The following NLK variants were observed in gnomAD, a reference collection of about 807,000 sequenced individuals.
NLK encodes serine/threonine-protein kinase NLK.
Under a neutral mutation model 59.0 loss-of-function variants are expected in NLK, and 11 were observed. That is an observed-to-expected ratio of 0.19 (90% CI 0.12 to 0.31). The LOEUF (loss-of-function observed/expected upper bound fraction) is 0.31, where lower values mean the gene tolerates loss of function less well. Among genes scored for constraint, NLK ranks in the 10% least tolerant of loss-of-function variants. The pLI is 1.00. For missense variants in NLK, 410 were observed against 661.1 expected, an observed-to-expected ratio of 0.62 and a Z score of 4.16; for synonymous variants, 235 against 235.9, an observed-to-expected ratio of 1.00 and a Z score of 0.03.
intron 3 of NLK, among the ~76,000 whole-genome samples, chr17:28,158,277 G>C (rs1373251294): frequency 6.6e-6 from 1 of 152,068 alleles, no homozygotes; most frequent in African/African-American, 2.4e-5. Flanking sequence ...ATATCTAAAC[G>C]TATCTGAACA....
At chr17:28,126,865 T>C (rs189512055) in intron 2 of NLK, among the ~76,000 whole-genome samples, 93 of 152,350 alleles carry the variant, frequency 6.1e-4, no homozygotes, top group Middle Eastern at 3.4e-3. Flanking sequence ...TACCCATCTA[T>C]GCATTTGTGC....
At chr17:28,203,803 T>C in the NLK span, among the ~76,000 whole-genome samples, 6 of 152,154 alleles carry the variant, frequency 3.9e-5, no homozygotes, top group South Asian at 1.0e-3. Context: ...TCCCAAAGTG[T>C]TGGGATTACA....
In NLK at chr17:28,134,932, G is replaced by A. The variant is rs34845355; in HGVS notation, c.644+2257G>A. On this transcript the variant is annotated intron_variant, in intron 3 of 10. Coordinates refer to ENST00000407008, the MANE Select transcript of NLK (RefSeq NM_016231.5). ...TAGCAACTGAGGAGAAAGCATTAAT[G>A]ATTCCATTTCATAGACTTCCTGAAG... 6.5e-3 allele frequency among the ~76,000 whole-genome samples: 995 copies of A among 152,318 alleles called. 17 individuals carry two copies. The highest frequency in any genetic ancestry group is 0.022 in the African/African-American group (929 of 41,560).
At chr17:28,121,948 G>A (rs1028710657) in intron 1 of NLK, among the ~76,000 whole-genome samples, 1 of 152,036 alleles carries the variant, frequency 6.6e-6, no homozygotes, top group Non-Finnish European at 1.5e-5. Flanking sequence ...AAAAGGGAGT[G>A]GGGGGACACA....
chr17:28,059,184 G>A (rs978902214), intron 1 of NLK, among the ~76,000 whole-genome samples: 3 of 151,764 alleles, frequency 2.0e-5, no homozygotes, highest in African/African-American at 7.3e-5. Context: ...AAAAGATCCC[G>A]ATTTCTTCAC....
intron 8 of NLK, among the ~76,000 whole-genome samples, chr17:28,189,514 G>T (rs180916480): frequency 2.3e-4 from 35 of 152,322 alleles, no homozygotes; most frequent in African/African-American, 8.2e-4. Context: ...TTGTTGGAAT[G>T]ATCACTGTAT....
intron 1 of NLK, among the ~76,000 whole-genome samples, chr17:28,109,177 G>GA (rs77035951): frequency 0.024 from 2,643 of 112,228 alleles, 56 homozygotes; most frequent in African/African-American, 0.072. Flanking sequence ...TCTCACAAAA[G>GA]AAAAAAAAAA....
chr17:28,124,130 A>G (rs573521772), intron 2 of NLK, among the ~76,000 whole-genome samples: 2 of 152,312 alleles, frequency 1.3e-5, no homozygotes, highest in East Asian at 1.9e-4. Flanking sequence ...TTTAATGATT[A>G]TTCCTCTTGA....
chr17:28,178,660 G>A (rs1908779174), intron 7 of NLK, among the ~76,000 whole-genome samples: 1 of 152,164 alleles, frequency 6.6e-6, no homozygotes, highest in Non-Finnish European at 1.5e-5. Flanking sequence ...TTTGCGAAGT[G>A]AAGATAGTCC....
intron 3 of NLK, among the ~76,000 whole-genome samples, chr17:28,139,542 A>G (rs1200630869): frequency 1.3e-5 from 2 of 152,214 alleles, no homozygotes; most frequent in Admixed American, 1.3e-4. Context: ...AGCCTTGCTT[A>G]TTCATTCAGC....
intron 1 of NLK, among the ~76,000 whole-genome samples, chr17:28,060,065 G>A (rs1909577482): frequency 6.6e-6 from 1 of 152,086 alleles, no homozygotes; most frequent in South Asian, 2.1e-4. Context: ...CCAGAAAAAT[G>A]TAACTGTCAT....
At chr17:28,175,237 A>G (rs1908629742) in intron 7 of NLK, among the ~76,000 whole-genome samples, 1 of 151,654 alleles carries the variant, frequency 6.6e-6, no homozygotes, top group Admixed American at 6.6e-5. Context: ...CGAGGTCAGG[A>G]GATCGAGATC....
chr17:28,060,238 T>C (rs1268375961), intron 1 of NLK, among the ~76,000 whole-genome samples: 1 of 152,134 alleles, frequency 6.6e-6, no homozygotes, highest in Non-Finnish European at 1.5e-5. Context: ...TAACTTTTTA[T>C]AATCTTGGAG....
chr17:28,156,851 C>T (rs1054721648), intron 3 of NLK, among the ~76,000 whole-genome samples: 7 of 152,170 alleles, frequency 4.6e-5, no homozygotes, highest in African/African-American at 1.4e-4. Context: ...GTCAGTCTCA[C>T]ACTCATCCTT....
At chr17:28,052,826 C>T (rs1909305106) in intron 1 of NLK, among the ~76,000 whole-genome samples, 2 of 149,806 alleles carry the variant, frequency 1.3e-5, no homozygotes, top group South Asian at 4.2e-4. Flanking sequence ...GGTCTAACCA[C>T]ATTTTAAGTG....
chr17:28,084,970 T>C (rs968023457), intron 1 of NLK, among the ~76,000 whole-genome samples: 1 of 152,258 alleles, frequency 6.6e-6, no homozygotes, highest in Non-Finnish European at 1.5e-5. Flanking sequence ...AATCTAATTT[T>C]AGCCATTAGA....
chr17:28,154,247 G>A (rs1015571092), intron 3 of NLK, among the ~76,000 whole-genome samples: 7 of 152,166 alleles, frequency 4.6e-5, no homozygotes, highest in African/African-American at 1.7e-4. Context: ...ATACATGTGG[G>A]CCTAAACATC....
Position 28,172,515 on chromosome 17 carries a change from A to G in NLK, c.1048-2A>G. 1 of 1,562,892 alleles carries G rather than the reference A, an allele frequency of 6.4e-7. No individual in the cohort carries two copies. The highest frequency in any genetic ancestry group is 8.7e-7 in the Non-Finnish European group (1 of 1,154,020). On this transcript the variant is annotated splice_acceptor_variant, in intron 6 of 10. Transcript: ENST00000407008. LOFTEE classifies it high-confidence loss of function. ...ATCTATCTGTATTTTATTTCCTTGT[A>G]GTTGGATTTGATCACGGATCTGTTG... is the stretch of plus-strand genomic sequence containing the variant.
intron 1 of NLK, among the ~76,000 whole-genome samples, chr17:28,083,723 A>G (rs1445516682): frequency 6.6e-6 from 1 of 152,208 alleles, no homozygotes; most frequent in Non-Finnish European, 1.5e-5. Flanking sequence ...TTTTGAACAT[A>G]AGTCTTGTGA....
Sources: gnomAD v4.1 joint callset for allele counts (sites outside exome capture counted in the v4.1 genomes callset) on GRCh38, gnomAD v4.1.1 for gene constraint, MANE v1.5 for transcripts, NCBI Gene and HGNC (gene_info 2026-07-23, HGNC 2026-07-21) for gene names.